The following UTP25 variants were observed in gnomAD, a reference collection of about 807,000 sequenced individuals.
UTP25 encodes the protein U3 small nucleolar RNA-associated protein 25 homolog.
A neutral mutation model predicts 78.9 loss-of-function variants in UTP25; 50 were observed. That is an observed-to-expected ratio of 0.63 (90% CI 0.50 to 0.80). UTP25 has a LOEUF of 0.80. UTP25 is among the 30% of genes least tolerant of loss of function. The probability of loss-of-function intolerance (pLI) is 0.00; values close to 1 mark genes in which losing one functional copy is unlikely to be tolerated. For synonymous variants in UTP25, 329 were observed against 336.5 expected, an observed-to-expected ratio of 0.98 and a Z score of 0.24; for missense variants, 846 against 911.3, an observed-to-expected ratio of 0.93 and a Z score of 0.92.
At chr1:209,832,508 G>T (rs1165273865) in intron 3 of UTP25, among the ~76,000 whole-genome samples, 2 of 152,040 alleles carry the variant, frequency 1.3e-5, no homozygotes, top group African/African-American at 4.8e-5. Flanking sequence ...ACTATGTCTG[G>T]TTACTATTTT....
chr1:209,840,777 G>C (rs916065441), intron 7 of UTP25, 76 bp from the exon 8 acceptor site: 37 of 1,396,938 alleles, frequency 2.6e-5, no homozygotes, highest in Non-Finnish European at 2.1e-5. Context: ...AGAAGTGGTG[G>C]ACTGCTTTGA....
intron 8 of UTP25, 89 bp from the exon 9 acceptor site, chr1:209,842,176 T>C: frequency 7.5e-7 from 1 of 1,332,594 alleles, no homozygotes; most frequent in Non-Finnish European, 1.0e-6. Flanking sequence ...TGATAGTACA[T>C]GAGTTGATAG....
In UTP25 at chr1:209,842,673, C is replaced by G; in HGVS notation, c.1759C>G (p.Leu587Val). The stretch of plus-strand genomic sequence containing the variant: ...CTTCCAGAGGATGGAAGCTGAAAAC[C>G]TAGCTTCAGTGATTGATGCCAGGTA... The part of the protein sequence containing the change: ...HVFQRMEAEN[L>V]ASVIDARFNF... The change falls in exon 10 of 12, where the codon CTA becomes GTA. Residue 587 changes from leucine to valine, a missense_variant. Physicochemically the swap from Leu to Val is conservative, Grantham distance 32 (BLOSUM62 1). Transcript: ENST00000491415. 6.2e-7 allele frequency: 1 copy of G among 1,612,604 alleles called. No homozygotes were observed. Among genetic ancestry groups the G allele is most frequent in the Non-Finnish European group, 8.5e-7 (1 of 1,179,478 alleles).
rs557488524 is a variant in UTP25, at chr1:209,842,458, G to T, written c.1668+11G>T. On this transcript the variant is annotated intron_variant, in intron 9 of 11. Transcript: ENST00000491415. ...AACATGCAAGGCCAGGTGGGTTCTCGTCTTGTTTCCTCAGTATCTTCATGA... is the reference window on the plus strand; with the variant it reads ...AACATGCAAGGCCAGGTGGGTTCTCTTCTTGTTTCCTCAGTATCTTCATGA... 1 of 1,614,066 alleles carries T rather than the reference G, an allele frequency of 6.2e-7. No homozygotes were observed. Among genetic ancestry groups the T allele is most frequent in the South Asian group, 1.1e-5 (1 of 91,076 alleles).
intron 11 of UTP25, among the ~76,000 whole-genome samples, chr1:209,847,567 A>G (rs2078205980): frequency 6.6e-6 from 1 of 152,200 alleles, no homozygotes; most frequent in Non-Finnish European, 1.5e-5. Context: ...TCTGATATCT[A>G]GTCTATATTC....
intron 11 of UTP25, among the ~76,000 whole-genome samples, chr1:209,845,861 T>C (rs2078194245): frequency 6.8e-6 from 1 of 147,348 alleles, no homozygotes; most frequent in Non-Finnish European, 1.5e-5. Flanking sequence ...CTTTTTCTTT[T>C]TCTTTTTTTT....
Position 209,837,169 on chromosome 1 carries a change from T to C in UTP25, c.1020T>C (p.Gly340=), listed in dbSNP as rs1047452668. The C allele has an allele frequency of 6.2e-7, 1 of 1,613,876 alleles. No individual in the cohort carries two copies. The highest frequency in any genetic ancestry group is 8.5e-7 in the Non-Finnish European group (1 of 1,179,966). ...SRRRSQKFGV[G]DDDDFRDQGL... ...GCCGAAGCCAGAAGTTTGGAGTGGGTGATGATGATGACTTCAGAGACCAAG... is the reference window on the plus strand; with the variant it reads ...GCCGAAGCCAGAAGTTTGGAGTGGGCGATGATGATGACTTCAGAGACCAAG... Residue 340 remains glycine (G), a synonymous_variant, in exon 6 of 12, where the codon GGT becomes GGC. Coordinates refer to ENST00000491415, the MANE Select transcript of UTP25 (RefSeq NM_014388.7).
chr1:209,832,558 G>A (rs1012631443), intron 3 of UTP25, among the ~76,000 whole-genome samples: 3 of 152,128 alleles, frequency 2.0e-5, no homozygotes, highest in Non-Finnish European at 4.4e-5. Flanking sequence ...ATATTAATTC[G>A]AAATCTCCAG....
Position 209,836,856 on chromosome 1 carries a change from T to C in UTP25, c.707T>C (p.Phe236Ser), listed in dbSNP as rs2078135826. The C allele has an allele frequency of 6.2e-7, 1 of 1,613,456 alleles. No homozygotes were observed. The highest frequency in any genetic ancestry group is 1.1e-5 in the South Asian group (1 of 91,004). The change falls in exon 6 of 12, where the codon TTT becomes TCT. Residue 236 changes from phenylalanine to serine, a missense_variant. Transcript: ENST00000491415. ...TCTAAGTTTCAGAAGTTGGAAACAT[T>C]TAAACCCCCAAAGGATATTGACTTA... ...FSSKFQKLET[F>S]KPPKDIDLKS... is the part of the protein sequence containing the mutation.
In UTP25 at chr1:209,839,115, C is replaced by T; in HGVS notation, c.1269C>T (p.Asp423=). 5 of 1,611,202 alleles carry T rather than the reference C, an allele frequency of 3.1e-6. No individual in the cohort carries two copies. Among genetic ancestry groups the T allele is most frequent in the Non-Finnish European group, 4.2e-6 (5 of 1,177,942 alleles). The part of the protein sequence containing the change: ...YEAVFVGNID[D]HFRIGVAILQ... ...CCGTATTTGTGGGCAATATTGATGA[C>T]CACTTCAGGATTGGTAATTCTTCCT... Residue 423 remains aspartate, a synonymous_variant, in exon 7 of 12, where the codon GAC becomes GAT. Transcript: ENST00000491415.
rs1361598774 is a variant in UTP25 at position 209,852,105 on chromosome 1, TTGTTGA to T, written c.*659_*664del. ...ATCAGCTCTGTCTCAAGAAGTAATT[TTGTTGA>T]AACTCCATGTTAAAATATCCATCTT... On this transcript the variant is annotated 3_prime_UTR_variant, in exon 12 of 12. Coordinates refer to ENST00000491415, the MANE Select transcript of UTP25 (RefSeq NM_014388.7). 6.6e-6 allele frequency: 1 copy of T among 152,236 alleles called. No individual in the cohort carries two copies. The highest frequency in any genetic ancestry group is 1.9e-4 in the East Asian group (1 of 5,204). 9.4% of individuals were successfully genotyped at this position (152,236 alleles called of 1,614,324 possible). A position where few individuals can be genotyped will look rare whatever the true frequency, so the allele number is the denominator to read the frequency against.
At chr1:209,846,710 A>T (rs116254510) in intron 11 of UTP25, among the ~76,000 whole-genome samples, 1,796 of 152,300 alleles carry the variant, frequency 0.012, 20 homozygotes, top group Non-Finnish European at 0.018. Flanking sequence ...AAGGCAGGGT[A>T]AGGGGTGCTC....
chr1:209,839,258 G>C lies in UTP25; in HGVS notation c.1282+130G>C, dbSNP rs577652416. The C allele has an allele frequency of 1.4e-5, 12 of 876,924 alleles. No homozygotes were observed. In the Admixed American group the frequency reaches 3.1e-4, roughly 23 times the overall value. 54.3% of individuals were successfully genotyped at this position (876,924 alleles called of 1,614,324 possible). A position where few individuals can be genotyped will look rare whatever the true frequency, so the allele number is the denominator to read the frequency against. Reference sequence around the variant, plus strand: ...TCTTTAACAGAACCAGTGTGCCTTTGAGACATGTTGTTTGCCATGGGAGAG... The same window carrying C: ...TCTTTAACAGAACCAGTGTGCCTTTCAGACATGTTGTTTGCCATGGGAGAG... On this transcript the variant is annotated intron_variant, in intron 7 of 11. Transcript: ENST00000491415.
intron 7 of UTP25, among the ~76,000 whole-genome samples, chr1:209,839,673 T>G (rs1025807326): frequency 6.6e-6 from 1 of 152,202 alleles, no homozygotes; most frequent in Non-Finnish European, 1.5e-5. Flanking sequence ...GTAAAGTTCT[T>G]GGGGAAATGT....
rs1160386724 is a variant in UTP25 at position 209,837,174 on chromosome 1, A to G, written c.1025A>G (p.Asp342Gly). 2 of 1,614,106 alleles carry G rather than the reference A, an allele frequency of 1.2e-6. No individual in the cohort carries two copies. The highest frequency in any genetic ancestry group is 1.7e-6 in the Non-Finnish European group (2 of 1,180,004). Residue 342 changes from aspartate to glycine, a missense_variant, in exon 6 of 12, where the codon GAT becomes GGT. Transcript: ENST00000491415. ...AGCCAGAAGTTTGGAGTGGGTGATG[A>G]TGATGACTTCAGAGACCAAGGGTTA... The part of the protein sequence containing the change: ...RRSQKFGVGD[D>G]DDFRDQGLTR...
intron 3 of UTP25, 57 bp downstream of exon 3, chr1:209,831,100 C>T: frequency 2.5e-6 from 4 of 1,574,834 alleles, no homozygotes; most frequent in Non-Finnish European, 3.5e-6. Context: ...CAGTTCATCT[C>T]ATGAGCATGG....
At position 209,851,356 on chromosome 1, in the gene UTP25, A is replaced by G. The variant is rs750578617; in HGVS notation, c.2180A>G (p.Gln727Arg). The change falls in exon 12 of 12, where the codon CAG becomes CGG. Residue 727 changes from glutamine to arginine, a missense_variant. Coordinates refer to ENST00000491415, the MANE Select transcript of UTP25 (RefSeq NM_014388.7). ...GTTCTCTACTCCAAATATGATGCCC[A>G]GAGGTTAGCTGCCGTGGTTGGTGTG... ...CTVLYSKYDA[Q>R]RLAAVVGVER... 2.5e-6 allele frequency: 4 copies of G among 1,614,234 alleles called. No individual in the cohort carries two copies. Among genetic ancestry groups the G allele is most frequent in the Non-Finnish European group, 3.4e-6 (4 of 1,180,034 alleles).
In UTP25 at chr1:209,854,550, GCT is replaced by G. The variant is rs2078261368; in HGVS notation, c.*3107_*3108del. On this transcript the variant is annotated 3_prime_UTR_variant, in exon 12 of 12. Coordinates refer to ENST00000491415, the MANE Select transcript of UTP25 (RefSeq NM_014388.7). ...AGAGGACCAAGGGGGGCTCATGAAG[GCT>G]CTCAGCCCTGATTGTGCCCTCGTGA... The G allele has an allele frequency of 6.6e-6, 1 of 152,268 alleles. No individual in the cohort carries two copies. The allele number at this position is 152,268 out of a possible 1,614,324, so 9.4% of individuals were successfully genotyped here. A position where few individuals can be genotyped will look rare whatever the true frequency, so the allele number is the denominator to read the frequency against.
At chr1:209,846,713 G>T (rs1438131937) in intron 11 of UTP25, among the ~76,000 whole-genome samples, 1 of 152,178 alleles carries the variant, frequency 6.6e-6, no homozygotes, top group Non-Finnish European at 1.5e-5. Context: ...GCAGGGTAAG[G>T]GGTGCTCAAG....
Sources: allele counts gnomAD v4.1 joint callset (sites outside exome capture counted in the v4.1 genomes callset), GRCh38; gene constraint gnomAD v4.1.1; transcripts MANE v1.5; gene names NCBI Gene and HGNC (gene_info 2026-07-23, HGNC 2026-07-21).